The following CFTR variants were observed in gnomAD, a reference collection of about 807,000 sequenced individuals.
CFTR encodes the protein CF transmembrane conductance regulator, also known as cystic fibrosis transmembrane conductance regulator.
A neutral mutation model predicts 171.6 loss-of-function variants in CFTR; 181 were observed. The observed-to-expected ratio is 1.05, with a 90% CI of 0.93 to 1.19. The LOEUF is 1.19. Among genes scored for constraint, CFTR ranks in the 50% most tolerant of loss-of-function variants. The pLI is 0.00. For missense variants in CFTR, 1,968 were observed against 1,734.7 expected, an observed-to-expected ratio of 1.13 and a Z score of -2.39; for synonymous variants, 583 against 608.0, an observed-to-expected ratio of 0.96 and a Z score of 0.60.
intron 20 of CFTR, among the ~76,000 whole-genome samples, chr7:117,612,122 G>A (rs1363833137): frequency 6.2e-5 from 8 of 128,758 alleles, no homozygotes; most frequent in Non-Finnish European, 1.2e-4. Context: ...TTGTCAGATA[G>A]CAATTCTGTG....
chr7:117,661,406 G>A (rs1562928167), intron 24 of CFTR, among the ~76,000 whole-genome samples: 1 of 152,098 alleles, frequency 6.6e-6, no homozygotes, highest in East Asian at 1.9e-4. Context: ...TTCATCTGGG[G>A]AAAAACATAC....
chr7:117,555,872 CA>C (rs1799344540), intron 10 of CFTR, among the ~76,000 whole-genome samples: 4 of 152,072 alleles, frequency 2.6e-5, no homozygotes. Context: ...GGTTTCCACT[CA>C]ACAATAGGCT....
intron 24 of CFTR, among the ~76,000 whole-genome samples, chr7:117,659,544 T>G (rs34973305): frequency 1.3e-5 from 2 of 152,188 alleles, no homozygotes; most frequent in African/African-American, 2.4e-5. Context: ...GAATGAGGAC[T>G]CAGAGCCTTG....
intron 21 of CFTR, among the ~76,000 whole-genome samples, chr7:117,615,433 C>T: frequency 6.6e-6 from 1 of 151,948 alleles, no homozygotes; most frequent in Non-Finnish European, 1.5e-5. Flanking sequence ...TGATTAAGAA[C>T]TCCTTCCTTA....
intron 10 of CFTR, among the ~76,000 whole-genome samples, chr7:117,551,616 T>C (rs1362390752): frequency 1.3e-5 from 2 of 152,240 alleles, no homozygotes; most frequent in Non-Finnish European, 2.9e-5. Flanking sequence ...AGGTATATTA[T>C]AGAAATTTAA....
intron 11 of CFTR, among the ~76,000 whole-genome samples, chr7:117,561,378 G>C (rs1799461485): frequency 6.6e-6 from 1 of 151,710 alleles, no homozygotes; most frequent in Non-Finnish European, 1.5e-5. Context: ...TGTTTTTTTA[G>C]CATATTCACA....
intron 11 of CFTR, among the ~76,000 whole-genome samples, chr7:117,580,463 C>T (rs1181063338): frequency 6.6e-6 from 1 of 151,890 alleles, no homozygotes; most frequent in Non-Finnish European, 1.5e-5. Flanking sequence ...GTAAAGGAAC[C>T]TGACAATATC....
At chr7:117,580,198 G>A (rs1474433109) in intron 11 of CFTR, among the ~76,000 whole-genome samples, 1 of 151,750 alleles carries the variant, frequency 6.6e-6, no homozygotes, top group Non-Finnish European at 1.5e-5. Context: ...CAGCAAAAAA[G>A]GTTTTTAACA....
At chr7:117,483,852 G>A (rs1344755539) in intron 1 of CFTR, among the ~76,000 whole-genome samples, 1 of 152,132 alleles carries the variant, frequency 6.6e-6, no homozygotes, top group Non-Finnish European at 1.5e-5. Flanking sequence ...GGGATTACAG[G>A]CGTAAGCCAC....
Position 117,611,636 on chromosome 7 carries a change from T to G in CFTR, c.3195T>G (p.Leu1065=). Residue 1065 remains leucine, a synonymous_variant, in exon 20 of 27, where the codon CTT becomes CTG. Coordinates refer to ENST00000003084, the MANE Select transcript of CFTR (RefSeq NM_000492.4). ...CAAGCTTAAAAGGACTATGGACACT[T>G]CGTGCCTTCGGACGGCAGCCTTACT... is the stretch of plus-strand genomic sequence containing the variant. The part of the protein sequence containing the change: ...LVTSLKGLWT[L]RAFGRQPYFE... 3 of 1,613,630 alleles carry G rather than the reference T, an allele frequency of 1.9e-6. No homozygotes were observed. The highest frequency in any genetic ancestry group is 2.5e-6 in the Non-Finnish European group (3 of 1,179,762).
At chr7:117,497,424 C>T (rs990814665) in intron 1 of CFTR, among the ~76,000 whole-genome samples, 7 of 152,112 alleles carry the variant, frequency 4.6e-5, no homozygotes, top group African/African-American at 1.7e-4. Flanking sequence ...AGACATAATG[C>T]TTTATAGACA....
At chr7:117,591,300 G>T (rs1179736166) in intron 13 of CFTR, among the ~76,000 whole-genome samples, 1 of 151,972 alleles carries the variant, frequency 6.6e-6, no homozygotes, top group East Asian at 1.9e-4. Flanking sequence ...CTTTCTATAT[G>T]ATATATGACA....
rs886840480 is a variant in CFTR at position 117,569,466 on chromosome 7, A to C, written c.1584+9811A>C. 1.6e-4 allele frequency among the ~76,000 whole-genome samples: 24 copies of C among 152,258 alleles called. 1 individual carries two copies. Among genetic ancestry groups the C allele is most frequent in the Admixed American group, 2.6e-4 (4 of 15,274 alleles). On this transcript the variant is annotated intron_variant, in intron 11 of 26. Coordinates refer to ENST00000003084, the MANE Select transcript of CFTR (RefSeq NM_000492.4). ...AAAGAGATGATAACCCGATAATCAAAAATAGACAAGGCATATAAGAAGAAA... is the reference window on the plus strand; with the variant it reads ...AAAGAGATGATAACCCGATAATCAACAATAGACAAGGCATATAAGAAGAAA...
Position 117,667,002 on chromosome 7 carries a change from G to A in CFTR, c.4337G>A (p.Arg1446Lys). The A allele has an allele frequency of 1.9e-6, 3 of 1,613,958 alleles. No homozygotes were observed. The highest frequency in any genetic ancestry group is 1.1e-5 in the South Asian group (1 of 91,074). ...CGGCAAGCCATCAGCCCCTCCGACA[G>A]GGTGAAGCTCTTTCCCCACCGGAAC... ...LFRQAISPSD[R>K]VKLFPHRNSS... The change falls in exon 27 of 27, where the codon AGG (arginine) becomes AAG (lysine). Residue 1446 changes from arginine to lysine, a missense_variant. By Grantham distance (26) the Arg-to-Lys change is conservative. Transcript: ENST00000003084.
intron 11 of CFTR, among the ~76,000 whole-genome samples, chr7:117,586,792 G>A (rs1231995107): frequency 6.6e-6 from 1 of 151,506 alleles, no homozygotes; most frequent in African/African-American, 2.4e-5. Flanking sequence ...TTTTTAAGGC[G>A]AGAGTTTACT....
intron 21 of CFTR, among the ~76,000 whole-genome samples, chr7:117,626,788 A>T (rs183807477): frequency 0.011 from 1,705 of 151,814 alleles, 12 homozygotes; most frequent in African/African-American, 0.02. Flanking sequence ...TGTTTTTTTT[A>T]AAAAAAATTG....
chr7:117,646,613 G>A (rs1388806667), intron 23 of CFTR, among the ~76,000 whole-genome samples: 1 of 152,110 alleles, frequency 6.6e-6, no homozygotes, highest in Non-Finnish European at 1.5e-5. Context: ...TTTTGAGTGA[G>A]GAAGAGGCTG....
intron 1 of CFTR, among the ~76,000 whole-genome samples, chr7:117,481,628 A>G (rs1798002575): frequency 6.6e-6 from 1 of 152,214 alleles, no homozygotes; most frequent in Admixed American, 6.5e-5. Context: ...TGTTAAGAGC[A>G]TACTCATTTC....
At chr7:117,598,629 A>G (rs907147957) in intron 15 of CFTR, among the ~76,000 whole-genome samples, 2 of 152,210 alleles carry the variant, frequency 1.3e-5, no homozygotes, top group African/African-American at 2.4e-5. Flanking sequence ...TTTCCATTTG[A>G]TCTCTGAGTG....
Sources: allele counts gnomAD v4.1 joint callset (sites outside exome capture counted in the v4.1 genomes callset), GRCh38; gene constraint gnomAD v4.1.1; transcripts MANE v1.5; gene names NCBI Gene and HGNC (gene_info 2026-07-23, HGNC 2026-07-21).